MCF2L2: variants seen among roughly 807,000 people sequenced by gnomAD.
MCF2L2 encodes MCF.2 cell line derived transforming sequence-like 2, also known as probable guanine nucleotide exchange factor MCF2L2.
MCF2L2 carries 102 observed loss-of-function variants against 150.2 expected under a neutral mutation model. The observed-to-expected ratio is 0.68, with a 90% CI of 0.58 to 0.80. The LOEUF (loss-of-function observed/expected upper bound fraction) is 0.80. MCF2L2 is among the 30% of genes least tolerant of loss of function. The pLI is 0.00. For missense variants in MCF2L2, 1,256 were observed against 1,372.8 expected, an observed-to-expected ratio of 0.91 and a Z score of 1.34; for synonymous variants, 465 against 491.3, an observed-to-expected ratio of 0.95 and a Z score of 0.71.
chr3:183,207,431 A>T (rs911147179), intron 23 of MCF2L2, among the ~76,000 whole-genome samples, 177 bp downstream of exon 23: 3 of 152,242 alleles, frequency 2.0e-5, no homozygotes, highest in Admixed American at 2.0e-4. Context: ...GCCCTGGCCC[A>T]TAAGCTCTGA....
At chr3:183,382,945 C>T (rs537021749) in intron 2 of MCF2L2, among the ~76,000 whole-genome samples, 155 of 152,292 alleles carry the variant, frequency 1.0e-3, no homozygotes, top group African/African-American at 3.7e-3. Flanking sequence ...CTTCCTACTG[C>T]TCTTTGCCTT....
At chr3:183,264,343 GTCCCAGAGACT>G (rs923526767) in intron 15 of MCF2L2, among the ~76,000 whole-genome samples, 1 of 152,164 alleles carries the variant, frequency 6.6e-6, no homozygotes, top group African/African-American at 2.4e-5. Flanking sequence ...TTCTCTACTA[GTCCCAGAGACT>G]TCCCTCTTGT....
intron 5 of MCF2L2, among the ~76,000 whole-genome samples, chr3:183,330,160 G>A (rs1730209120): frequency 6.8e-6 from 1 of 147,598 alleles, no homozygotes; most frequent in South Asian, 2.1e-4. Flanking sequence ...TGGGAGGATA[G>A]CTTGAGCCCC....
chr3:183,187,805 C>G (rs1721749921), intron 27 of MCF2L2, among the ~76,000 whole-genome samples: 1 of 152,224 alleles, frequency 6.6e-6, no homozygotes, highest in Admixed American at 6.5e-5. Context: ...ACAGCACACC[C>G]ACCTGTCTGC....
intron 16 of MCF2L2, among the ~76,000 whole-genome samples, chr3:183,229,997 G>C (rs1248724863): frequency 6.6e-6 from 1 of 152,122 alleles, no homozygotes; most frequent in Non-Finnish European, 1.5e-5. Flanking sequence ...ATCATAAAAT[G>C]GCATTTTTGT....
chr3:183,341,811 T>C lies in MCF2L2; in HGVS notation c.276-181A>G, dbSNP rs1278864862. On this transcript the variant is annotated intron_variant, in intron 3 of 29. Transcript: ENST00000328913. ...CTGGTAATCTTAACAAAATAGATAC[T>C]TTGTTTCTCAGACCCACTGGAGGAC... Among the ~76,000 whole-genome samples, 4 of 152,196 alleles carry C rather than the reference T, an allele frequency of 2.6e-5. No homozygotes were observed. The East Asian group carries it at 7.7e-4, about 29-fold the overall frequency.
chr3:183,231,096 A>T, intron 15 of MCF2L2, 79 bp from the exon 16 acceptor site: 1 of 1,067,864 alleles, frequency 9.4e-7, no homozygotes, highest in East Asian at 2.4e-5. Flanking sequence ...TTCTGTTAGA[A>T]TAATGCTCAT....
chr3:183,219,742 T>C (rs1179101150), intron 21 of MCF2L2, 114 bp downstream of exon 21: 1 of 683,820 alleles, frequency 1.5e-6, no homozygotes, highest in African/African-American at 1.8e-5. Flanking sequence ...ACATACTATT[T>C]TAGAAAATCT....
chr3:183,301,163 T>C (rs906730275), intron 10 of MCF2L2, among the ~76,000 whole-genome samples: 1 of 152,156 alleles, frequency 6.6e-6, no homozygotes, highest in Admixed American at 6.5e-5. Context: ...CGTGCCAAGT[T>C]TTCCTGTTTG....
At chr3:183,266,296 C>T (rs1171008082) in intron 15 of MCF2L2, among the ~76,000 whole-genome samples, 1 of 152,210 alleles carries the variant, frequency 6.6e-6, no homozygotes, top group Non-Finnish European at 1.5e-5. Context: ...GCTTGCCGGG[C>T]ACAGCTGCTC....
chr3:183,249,429 G>T (rs1449944889), intron 15 of MCF2L2, among the ~76,000 whole-genome samples: 1 of 152,220 alleles, frequency 6.6e-6, no homozygotes, highest in Non-Finnish European at 1.5e-5. Context: ...CCCTGTCCCT[G>T]AGAGGCCCCA....
chr3:183,302,163 A>C (rs1728883759), intron 10 of MCF2L2, among the ~76,000 whole-genome samples: 1 of 152,180 alleles, frequency 6.6e-6, no homozygotes, highest in East Asian at 1.9e-4. Flanking sequence ...TGAGACTCCC[A>C]CAGGAGAGGA....
intron 5 of MCF2L2, among the ~76,000 whole-genome samples, chr3:183,328,356 AG>A (rs1730135374): frequency 6.6e-6 from 1 of 152,206 alleles, no homozygotes; most frequent in Non-Finnish European, 1.5e-5. Context: ...CACAGCTGGT[AG>A]GTCAGAAGTA....
At chr3:183,183,390 C>A (rs1721594660) in intron 27 of MCF2L2, among the ~76,000 whole-genome samples, 1 of 152,206 alleles carries the variant, frequency 6.6e-6, no homozygotes, top group South Asian at 2.1e-4. Context: ...GAGTCTTAGG[C>A]ACTAAGGAGC....
In MCF2L2 at chr3:183,337,592, A is replaced by C. The variant is rs1730538006; in HGVS notation, c.486+1208T>G. 2.6e-5 allele frequency among the ~76,000 whole-genome samples: 4 copies of C among 151,790 alleles called. No individual in the cohort carries two copies. In the South Asian group the frequency reaches 8.3e-4, roughly 32 times the overall value. ...AAAAGAAGAAAAAAAAGAAACTATCAGCCGTTTCCATTGTGGTTGTACCAT... is the reference window on the plus strand; with the variant it reads ...AAAAGAAGAAAAAAAAGAAACTATCCGCCGTTTCCATTGTGGTTGTACCAT... On this transcript the variant is annotated intron_variant, in intron 5 of 29. Transcript: ENST00000328913.
intron 4 of MCF2L2, among the ~76,000 whole-genome samples, chr3:183,339,836 A>G (rs1403795976): frequency 1.3e-5 from 2 of 152,196 alleles, no homozygotes; most frequent in Non-Finnish European, 2.9e-5. Flanking sequence ...TCTAGGTATC[A>G]GTATTTTCAA....
At chr3:183,425,867 A>G (rs570340174) in intron 1 of MCF2L2, among the ~76,000 whole-genome samples, 5 of 152,086 alleles carry the variant, frequency 3.3e-5, no homozygotes, top group Non-Finnish European at 7.4e-5. Flanking sequence ...AGGTAGGAGA[A>G]TCGCTTGAAC....
chr3:183,270,860 C>T lies in MCF2L2; in HGVS notation c.1862+6012G>A, dbSNP rs371120079. On this transcript the variant is annotated intron_variant, in intron 15 of 29. Transcript: ENST00000328913. The surrounding 1 kb of genome is among the most constrained non-coding windows in gnomAD (Gnocchi z 4.5). ...AAGGTTTTTTTGGTCAAATATACTG[C>T]AGATTAATGAAGATAATTCTCCTTT... 20 of 1,612,262 alleles carry T rather than the reference C, an allele frequency of 1.2e-5. No homozygotes were observed. The highest frequency in any genetic ancestry group is 1.7e-5 in the Non-Finnish European group (20 of 1,179,484).
At chr3:183,330,539 T>A (rs1730230036) in intron 5 of MCF2L2, among the ~76,000 whole-genome samples, 1 of 152,034 alleles carries the variant, frequency 6.6e-6, no homozygotes, top group African/African-American at 2.4e-5. Flanking sequence ...AGTGAGGAAG[T>A]TTTGCGTGGT....
Sources: allele counts gnomAD v4.1 joint callset (sites outside exome capture counted in the v4.1 genomes callset), GRCh38; gene constraint gnomAD v4.1.1; non-coding constraint Gnocchi (gnomAD v3.1); transcripts MANE v1.5; gene names NCBI Gene and HGNC (gene_info 2026-07-23, HGNC 2026-07-21).